Variants in FABP3 observed in about 807,000 individuals in gnomAD.
FABP3 encodes the protein fatty acid-binding protein, heart.
A neutral mutation model predicts 13.4 loss-of-function variants in FABP3; 8 were observed. That is an observed-to-expected ratio of 0.60 (90% CI 0.35 to 1.07). The LOEUF is 1.07. Among genes scored for constraint, FABP3 ranks in the 50% least tolerant of loss-of-function variants. The pLI is 0.02. For synonymous variants in FABP3, 64 were observed against 60.0 expected (o/e 1.07, Z -0.31); for missense variants, 135 against 164.7 (o/e 0.82, Z 0.99).
intron 2 of FABP3, among the ~76,000 whole-genome samples, chr1:31,368,563 A>G (rs766871658): frequency 2.0e-5 from 3 of 152,152 alleles, no homozygotes; most frequent in Non-Finnish European, 4.4e-5. Flanking sequence ...GGGGACAGCT[A>G]TGAGGAAGAG....
downstream of FABP3, among the ~76,000 whole-genome samples, chr1:31,360,327 G>A (rs1385115340): frequency 6.6e-6 from 1 of 152,244 alleles, no homozygotes; most frequent in Admixed American, 6.5e-5. Context: ...GTGCCACCAC[G>A]CCCAGCTAAT....
intron 3 of FABP3, among the ~76,000 whole-genome samples, chr1:31,367,098 G>A (rs1369937899): frequency 6.6e-6 from 1 of 152,168 alleles, no homozygotes; most frequent in Non-Finnish European, 1.5e-5. Flanking sequence ...GTCTCTTACA[G>A]GCTTCCCAGC....
intron 1 of FABP3, among the ~76,000 whole-genome samples, chr1:31,370,186 C>A (rs1640182502): frequency 1.3e-5 from 2 of 151,760 alleles, no homozygotes; most frequent in South Asian, 4.2e-4. Flanking sequence ...TTAGTTCTTC[C>A]TGTTCTTCTG....
At chr1:31,362,606 G>A (rs569279698), downstream of FABP3, among the ~76,000 whole-genome samples, 198 of 152,162 alleles carry the variant, frequency 1.3e-3, no homozygotes, top group Non-Finnish European at 2.3e-3. Context: ...TGAGGTGGCT[G>A]TAAAGTTAGA....
intron 1 of FABP3, 122 bp from the exon 2 acceptor site, chr1:31,369,679 T>C: frequency 1.1e-6 from 1 of 891,586 alleles, no homozygotes; most frequent in East Asian, 2.6e-5. Context: ...TTTCAAAGCC[T>C]TTGCATGGGA....
chr1:31,369,400 A>T lies in FABP3; in HGVS notation c.231T>A (p.Asp77Glu). 6.2e-7 allele frequency: 1 copy of T among 1,614,116 alleles called. No homozygotes were observed. Among genetic ancestry groups the T allele is most frequent in the Non-Finnish European group, 8.5e-7 (1 of 1,180,010 alleles). The change falls in exon 2 of 4, where the codon GAT becomes GAA. Residue 77 changes from aspartate (D) to glutamate (E), a missense_variant. By Grantham distance (45) the Asp-to-Glu change is conservative. Coordinates refer to ENST00000373713, the MANE Select transcript of FABP3 (RefSeq NM_004102.5). The part of the protein sequence containing the change: ...LGVEFDETTA[D>E]DRKVKSIVTL... ...CCTGACTTACCTTGACCTTCCTGTC[A>T]TCTGCTGTTGTCTCATCGAACTCCA...
At position 31,373,066 on chromosome 1, in the gene FABP3, G is replaced by C; in HGVS notation, c.-52C>G. ...GCTACAAGAGAGCAGGCGTGCAAGG[G>C]CTCCGACGGCGGCTCCCTGCCCGGG... On this transcript the variant is annotated 5_prime_UTR_variant, in exon 1 of 4. Transcript: ENST00000373713. 1 of 1,568,732 alleles carries C rather than the reference G, an allele frequency of 6.4e-7. No individual in the cohort carries two copies. The highest frequency in any genetic ancestry group is 8.8e-7 in the Non-Finnish European group (1 of 1,140,550).
At chr1:31,371,497 G>A (rs1640209175) in intron 1 of FABP3, among the ~76,000 whole-genome samples, 1 of 152,216 alleles carries the variant, frequency 6.6e-6, no homozygotes, top group Non-Finnish European at 1.5e-5. Flanking sequence ...TGAGAGCTGA[G>A]GAGGGTATTT....
chr1:31,369,880 G>A (rs1370595907), intron 1 of FABP3, among the ~76,000 whole-genome samples: 1 of 152,100 alleles, frequency 6.6e-6, no homozygotes, highest in Non-Finnish European at 1.5e-5. Flanking sequence ...CAAGGCAGGC[G>A]GATCACATGA....
downstream of FABP3, chr1:31,364,124 A>G: frequency 1.9e-6 from 3 of 1,613,986 alleles, no homozygotes; most frequent in Non-Finnish European, 2.5e-6. Context: ...CAAGGCACAC[A>G]TCAAAAGACA....
chr1:31,371,952 G>A (rs189734827), intron 1 of FABP3, among the ~76,000 whole-genome samples: 1 of 152,278 alleles, frequency 6.6e-6, no homozygotes, highest in East Asian at 1.9e-4. Flanking sequence ...CTGGGTTACA[G>A]ATCTAGAAAC....
chr1:31,364,242 T>C (rs12139997), downstream of FABP3: 216,006 of 1,570,058 alleles, frequency 0.14, 16,037 homozygotes, highest in Non-Finnish European at 0.15. Flanking sequence ...CCAGGAGCCT[T>C]GTGCCTTGAG....
chr1:31,360,110 G>C, the FABP3 span, among the ~76,000 whole-genome samples: 1 of 151,928 alleles, frequency 6.6e-6, no homozygotes, highest in Non-Finnish European at 1.5e-5. Flanking sequence ...CTCCCGAGTA[G>C]CTGGGATTAC....
At position 31,367,477 on chromosome 1, in the gene FABP3, A is replaced by C. The variant is rs1439140942; in HGVS notation, c.264T>G (p.Asp88Glu). ...TCTGCAGGTGAACAAGTTTCCCTCC[A>C]TCCAGTGTCACAATGGACTGTGGAA... ...DRKVKSIVTLDGGKLVHLQKW... is the reference protein window; with the variant it reads ...DRKVKSIVTLEGGKLVHLQKW... The change falls in exon 3 of 4, where the codon GAT (aspartate) becomes GAG (glutamate). Residue 88 changes from aspartate (D) to glutamate (E), a missense_variant. Coordinates refer to ENST00000373713, the MANE Select transcript of FABP3 (RefSeq NM_004102.5). The C allele has an allele frequency of 6.2e-7, 1 of 1,613,948 alleles. No homozygotes were observed. The highest frequency in any genetic ancestry group is 8.5e-7 in the Non-Finnish European group (1 of 1,179,926).
At chr1:31,370,367 A>C (rs1009488431) in intron 1 of FABP3, among the ~76,000 whole-genome samples, 1 of 152,206 alleles carries the variant, frequency 6.6e-6, no homozygotes, top group Admixed American at 6.5e-5. Flanking sequence ...AAGCTCTCAA[A>C]GCCTTAGGAA....
chr1:31,369,336 T>A (rs1038130996), intron 2 of FABP3, 49 bp downstream of exon 2: 2 of 1,589,950 alleles, frequency 1.3e-6, no homozygotes, highest in African/African-American at 2.7e-5. Context: ...CCTATTCTCT[T>A]TTAGAGTCTC....
chr1:31,361,297 G>A (rs573080837), downstream of FABP3, among the ~76,000 whole-genome samples: 6 of 152,340 alleles, frequency 3.9e-5, no homozygotes, highest in Non-Finnish European at 8.8e-5. Flanking sequence ...GTCTCCTGTA[G>A]ATGCTTGGCC....
intron 1 of FABP3, among the ~76,000 whole-genome samples, chr1:31,372,436 G>A (rs1640224406): frequency 6.6e-6 from 1 of 152,118 alleles, no homozygotes; most frequent in African/African-American, 2.4e-5. Flanking sequence ...GCTTACTGCA[G>A]GTTCCTGTCT....
At position 31,369,502 on chromosome 1, in the gene FABP3, G is replaced by T. The variant is rs146114949; in HGVS notation, c.129C>A (p.Ile43=). The T allele has an allele frequency of 2.0e-5, 33 of 1,614,004 alleles. No homozygotes were observed. The highest frequency in any genetic ancestry group is 1.6e-4 in the Middle Eastern group (1 of 6,084). The part of the protein sequence containing the change: ...VASMTKPTTI[I]EKNGDILTLK... ...GGGTGAGAATGTCCCCATTCTTTTC[G>T]ATGATTGTGGTAGGCTTGGTCATGC... is the stretch of plus-strand genomic sequence containing the variant. The change falls in exon 2 of 4, where the codon ATC becomes ATA. Residue 43 remains isoleucine, a synonymous_variant. Coordinates refer to ENST00000373713, the MANE Select transcript of FABP3 (RefSeq NM_004102.5).
Sources: allele counts gnomAD v4.1 joint callset (sites outside exome capture counted in the v4.1 genomes callset), GRCh38; gene constraint gnomAD v4.1.1; transcripts MANE v1.5; gene names NCBI Gene and HGNC (gene_info 2026-07-23, HGNC 2026-07-21).